The following CTNNA3 variants were observed in gnomAD, a reference collection of about 807,000 sequenced individuals.
The protein encoded by CTNNA3 is catenin alpha 3.
A neutral mutation model predicts 95.7 loss-of-function variants in CTNNA3; 76 were observed. That is an observed-to-expected ratio of 0.79 (90% CI 0.66 to 0.96). CTNNA3 has a LOEUF of 0.96. Ranked by LOEUF, CTNNA3 falls within the 40% of genes least tolerant of loss-of-function variation. The pLI, the probability that CTNNA3 is intolerant of heterozygous loss-of-function variation, is 0.00. For missense variants in CTNNA3, 1,191 were observed against 1,089.8 expected (o/e 1.09, Z -1.31); for synonymous variants, 431 against 374.4 (o/e 1.15, Z -1.74).
chr10:66,425,913 C>G (rs550422891), intron 11 of CTNNA3, among the ~76,000 whole-genome samples: 1 of 152,026 alleles, frequency 6.6e-6, no homozygotes, highest in Non-Finnish European at 1.5e-5. Context: ...GCTCTTTTTC[C>G]AAGGATGACC....
chr10:66,350,257 G>A (rs1187567645), intron 12 of CTNNA3, among the ~76,000 whole-genome samples: 1 of 152,054 alleles, frequency 6.6e-6, no homozygotes, highest in Non-Finnish European at 1.5e-5. Context: ...ACTATACATG[G>A]AAGCAAGAAT....
chr10:66,815,690 G>A (rs1279591297), intron 7 of CTNNA3, among the ~76,000 whole-genome samples: 2 of 152,102 alleles, frequency 1.3e-5, no homozygotes, highest in Non-Finnish European at 2.9e-5. Flanking sequence ...GTAAATAAAA[G>A]TTTGGAAATA....
At chr10:66,646,346 C>T (rs985099108) in intron 9 of CTNNA3, among the ~76,000 whole-genome samples, 1 of 152,040 alleles carries the variant, frequency 6.6e-6, no homozygotes, top group African/African-American at 2.4e-5. Flanking sequence ...GATTATAGCA[C>T]AAAGAGTTAA....
At chr10:67,135,489 C>A (rs975492616) in intron 7 of CTNNA3, among the ~76,000 whole-genome samples, 1 of 151,940 alleles carries the variant, frequency 6.6e-6, no homozygotes, top group East Asian at 1.9e-4. Flanking sequence ...ACAGTGAGAC[C>A]TCATCTCTAC....
intron 3 of CTNNA3, among the ~76,000 whole-genome samples, chr10:67,560,792 G>T (rs1841479505): frequency 1.3e-5 from 2 of 151,968 alleles, no homozygotes; most frequent in Admixed American, 6.6e-5. Context: ...GATGGAGGAA[G>T]ATCTACCAAG....
intron 11 of CTNNA3, among the ~76,000 whole-genome samples, chr10:66,443,173 T>A (rs1051155979): frequency 5.3e-5 from 8 of 152,090 alleles, no homozygotes; most frequent in Non-Finnish European, 8.8e-5. Flanking sequence ...TCGAACTGGG[T>A]GGAGCCCACC....
At chr10:67,551,364 T>G (rs1173385231) in intron 3 of CTNNA3, among the ~76,000 whole-genome samples, 1 of 151,962 alleles carries the variant, frequency 6.6e-6, no homozygotes, top group Non-Finnish European at 1.5e-5. Context: ...AGTCAGGCAG[T>G]TTTCTAGGGG....
At chr10:66,571,718 A>G (rs1315325175) in intron 10 of CTNNA3, among the ~76,000 whole-genome samples, 1 of 152,160 alleles carries the variant, frequency 6.6e-6, no homozygotes, top group African/African-American at 2.4e-5. Flanking sequence ...TAGGGTCATT[A>G]TAGATTTATC....
intron 7 of CTNNA3, among the ~76,000 whole-genome samples, chr10:66,795,217 A>G (rs1349223661): frequency 1.3e-5 from 2 of 152,148 alleles, no homozygotes; most frequent in Non-Finnish European, 2.9e-5. Flanking sequence ...GTTATTATCC[A>G]TGGTAGTTAT....
At chr10:67,484,368 T>C (rs895764070) in intron 5 of CTNNA3, among the ~76,000 whole-genome samples, 2 of 151,690 alleles carry the variant, frequency 1.3e-5, no homozygotes, top group African/African-American at 4.8e-5. Context: ...CTATAGGATT[T>C]CCTAGGAAAC....
chr10:66,214,388 A>G (rs1293822220), intron 13 of CTNNA3, among the ~76,000 whole-genome samples: 1 of 152,190 alleles, frequency 6.6e-6, no homozygotes, highest in Non-Finnish European at 1.5e-5. Context: ...AATAAGGACA[A>G]AAAATTTTAG....
chr10:66,660,992 G>A (rs1210854029), intron 9 of CTNNA3, among the ~76,000 whole-genome samples: 1 of 152,096 alleles, frequency 6.6e-6, no homozygotes, highest in Non-Finnish European at 1.5e-5. Context: ...GTGTGTTTTT[G>A]TTAGAGTTTG....
intron 5 of CTNNA3, among the ~76,000 whole-genome samples, chr10:67,431,847 T>C (rs1396194763): frequency 4.6e-5 from 7 of 151,978 alleles, no homozygotes; most frequent in Non-Finnish European, 2.9e-5. Context: ...CACTATCTCA[T>C]AGGGACTTTA....
intron 7 of CTNNA3, among the ~76,000 whole-genome samples, chr10:66,784,758 G>A (rs568369784): frequency 6.6e-6 from 1 of 152,200 alleles, no homozygotes; most frequent in South Asian, 2.1e-4. Context: ...AAGGTATAAA[G>A]GTCAAAACAT....
intron 1 of CTNNA3, among the ~76,000 whole-genome samples, chr10:67,721,504 C>T (rs1841179791): frequency 6.6e-6 from 1 of 152,084 alleles, no homozygotes; most frequent in Non-Finnish European, 1.5e-5. Context: ...TTTTCAGCTC[C>T]ATCAGGTCAT....
intron 7 of CTNNA3, among the ~76,000 whole-genome samples, chr10:66,812,429 CAA>C (rs1335404469): frequency 2.0e-5 from 3 of 152,022 alleles, no homozygotes; most frequent in African/African-American, 7.2e-5. Flanking sequence ...ATTCATTAAG[CAA>C]GAGAGAGTGA....
intron 9 of CTNNA3, among the ~76,000 whole-genome samples, chr10:66,678,687 C>T (rs1381078765): frequency 2.0e-5 from 3 of 152,146 alleles, no homozygotes; most frequent in Non-Finnish European, 4.4e-5. Context: ...GAGGCTTAGT[C>T]AGCTCACTGA....
chr10:67,677,016 T>C (rs1840548023), intron 1 of CTNNA3, among the ~76,000 whole-genome samples: 1 of 152,184 alleles, frequency 6.6e-6, no homozygotes. Flanking sequence ...TAACAACAGA[T>C]ACATTGTAAA....
intron 5 of CTNNA3, among the ~76,000 whole-genome samples, chr10:67,434,272 C>T (rs1255768255): frequency 6.6e-6 from 1 of 151,934 alleles, no homozygotes; most frequent in African/African-American, 2.4e-5. Flanking sequence ...TCTCAATGTC[C>T]TCATTTGAAG....
Sources: allele counts gnomAD v4.1 joint callset (sites outside exome capture counted in the v4.1 genomes callset), GRCh38; gene constraint gnomAD v4.1.1; transcripts MANE v1.5; gene names NCBI Gene and HGNC (gene_info 2026-07-23, HGNC 2026-07-21).